ATP8A2: variants seen among roughly 807,000 people sequenced by gnomAD.
The protein encoded by ATP8A2 is ATPase phospholipid transporting 8A2.
ATP8A2 carries 100 observed loss-of-function variants against 165.6 expected under a neutral mutation model. That is an observed-to-expected ratio of 0.60 (90% CI 0.51 to 0.71). The LOEUF (loss-of-function observed/expected upper bound fraction) is 0.71. ATP8A2 is among the 30% of genes least tolerant of loss of function. ATP8A2 has a pLI of 0.00. For missense variants in ATP8A2, 1,227 were observed against 1,479.5 expected (o/e 0.83, Z 2.80); for synonymous variants, 543 against 548.8 (o/e 0.99, Z 0.15).
chr13:25,637,714 C>G (rs1344001079), intron 24 of ATP8A2, among the ~76,000 whole-genome samples: 1 of 152,194 alleles, frequency 6.6e-6, no homozygotes, highest in Non-Finnish European at 1.5e-5. Flanking sequence ...CAGCAGAAAC[C>G]TCTGCAGACT....
intron 33 of ATP8A2, among the ~76,000 whole-genome samples, chr13:25,905,932 T>C (rs907130318): frequency 2.6e-5 from 4 of 152,340 alleles, no homozygotes; most frequent in African/African-American, 9.6e-5. Flanking sequence ...AAGTCTTGGT[T>C]ATTTCCTCTT....
intron 30 of ATP8A2, among the ~76,000 whole-genome samples, chr13:25,849,027 G>A (rs981645954): frequency 6.6e-6 from 1 of 152,128 alleles, no homozygotes; most frequent in Non-Finnish European, 1.5e-5. Flanking sequence ...GCGGGGGCTG[G>A]CTCAGTTAAT....
At chr13:25,685,630 G>A (rs1021498675) in intron 24 of ATP8A2, among the ~76,000 whole-genome samples, 19 of 152,232 alleles carry the variant, frequency 1.2e-4, no homozygotes, top group Admixed American at 1.2e-3. Context: ...GGGGTGAGCT[G>A]CATGGAAATC....
intron 33 of ATP8A2, chr13:25,927,024 C>T: frequency 2.4e-6 from 1 of 415,312 alleles, no homozygotes; most frequent in Middle Eastern, 3.9e-4. Flanking sequence ...GCTCCTTCTC[C>T]TTGCCACTCT....
intron 28 of ATP8A2, among the ~76,000 whole-genome samples, chr13:25,836,205 T>A (rs1046118637): frequency 6.8e-6 from 1 of 147,902 alleles, no homozygotes; most frequent in Non-Finnish European, 1.5e-5. Flanking sequence ...TTTGTTTGTT[T>A]TTGGAAAACT....
intron 35 of ATP8A2, among the ~76,000 whole-genome samples, chr13:25,982,867 C>G (rs964075129): frequency 1.3e-5 from 2 of 152,200 alleles, no homozygotes; most frequent in African/African-American, 4.8e-5. Flanking sequence ...TAGCAGACAT[C>G]CTCATCTATG....
intron 27 of ATP8A2, among the ~76,000 whole-genome samples, chr13:25,791,528 A>ACACACACAT (rs2045173173): frequency 2.0e-5 from 2 of 102,046 alleles, no homozygotes; most frequent in African/African-American, 8.2e-5. Context: ...CCCGAACTTA[A>ACACACACAT]ACACACACAC....
intron 24 of ATP8A2, among the ~76,000 whole-genome samples, chr13:25,687,439 C>A (rs1566047705): frequency 6.6e-6 from 1 of 152,164 alleles, no homozygotes; most frequent in Non-Finnish European, 1.5e-5. Context: ...CCAGGCACAG[C>A]AGTGTCCCTA....
chr13:25,513,628 C>G (rs1404678160), intron 2 of ATP8A2, among the ~76,000 whole-genome samples: 1 of 151,950 alleles, frequency 6.6e-6, no homozygotes, highest in Non-Finnish European at 1.5e-5. Flanking sequence ...GAGGTTGTAG[C>G]GAGCCGAGAT....
At chr13:25,402,494 G>C (rs1366908429) in intron 1 of ATP8A2, among the ~76,000 whole-genome samples, 3 of 152,156 alleles carry the variant, frequency 2.0e-5, no homozygotes, top group African/African-American at 7.2e-5. Context: ...TTTCTTCTGT[G>C]CTGGTGTGCC....
At chr13:25,891,970 A>G (rs1465772431) in intron 33 of ATP8A2, among the ~76,000 whole-genome samples, 1 of 151,132 alleles carries the variant, frequency 6.6e-6, no homozygotes, top group Non-Finnish European at 1.5e-5. Context: ...ATGGAGATGT[A>G]TGACCTTCAA....
intron 25 of ATP8A2, among the ~76,000 whole-genome samples, chr13:25,705,991 C>T (rs555655280): frequency 2.0e-4 from 30 of 152,286 alleles, no homozygotes; most frequent in Admixed American, 1.8e-3. Flanking sequence ...GTTGCAAAGA[C>T]ACTTGATGAT....
At chr13:25,886,590 A>T (rs1351782455) in intron 33 of ATP8A2, among the ~76,000 whole-genome samples, 4 of 152,214 alleles carry the variant, frequency 2.6e-5, no homozygotes, top group South Asian at 2.1e-4. Context: ...TGTGCGCTGG[A>T]TGCCGACAGC....
At chr13:25,555,420 A>G (rs1338082289) in intron 13 of ATP8A2, among the ~76,000 whole-genome samples, 1 of 152,166 alleles carries the variant, frequency 6.6e-6, no homozygotes, top group Admixed American at 6.5e-5. Flanking sequence ...GTAACCCTAC[A>G]AAACGTGTGG....
intron 28 of ATP8A2, among the ~76,000 whole-genome samples, chr13:25,831,867 C>T (rs555815071): frequency 1.3e-5 from 2 of 152,136 alleles, no homozygotes; most frequent in African/African-American, 4.8e-5. Flanking sequence ...CAACAAGAAA[C>T]AGGCTTCTTC....
intron 4 of ATP8A2, among the ~76,000 whole-genome samples, chr13:25,531,193 T>C (rs1397632989): frequency 6.9e-6 from 1 of 144,290 alleles, no homozygotes; most frequent in Non-Finnish European, 1.5e-5. Flanking sequence ...ATGTTATATA[T>C]GTTATATATG....
In ATP8A2 at chr13:25,757,503, A is replaced by ATGTGTGTG. The variant is rs113178441; in HGVS notation, c.2385-11528_2385-11521dup. Among the ~76,000 whole-genome samples, 234 of 150,646 alleles carry ATGTGTGTG rather than the reference A, an allele frequency of 1.6e-3. 2 individuals carry two copies. The South Asian group carries it at 0.019, about 12-fold the overall frequency. The stretch of plus-strand genomic sequence containing the variant: ...TGCCAGTTCAGTGTAACGATATACT[A>ATGTGTGTG]TGTGTGTGTGTGTGTGTGTGTGCAC... On this transcript the variant is annotated intron_variant, in intron 25 of 36. Transcript: ENST00000381655.
At chr13:25,985,652 G>T (rs1045196356) in intron 35 of ATP8A2, among the ~76,000 whole-genome samples, 1 of 152,170 alleles carries the variant, frequency 6.6e-6, no homozygotes, top group African/African-American at 2.4e-5. Context: ...CGGGCCCATG[G>T]CCCCTGTGGA....
At chr13:25,512,836 C>T (rs1593433708) in intron 2 of ATP8A2, among the ~76,000 whole-genome samples, 1 of 139,150 alleles carries the variant, frequency 7.2e-6, no homozygotes, top group Admixed American at 6.9e-5. Context: ...CAGAGGGGCT[C>T]CTCACTTTCC....
Sources: gnomAD v4.1 joint callset for allele counts (sites outside exome capture counted in the v4.1 genomes callset) on GRCh38, gnomAD v4.1.1 for gene constraint, MANE v1.5 for transcripts, NCBI Gene and HGNC (gene_info 2026-07-23, HGNC 2026-07-21) for gene names.